NTM: variants seen among roughly 807,000 people sequenced by gnomAD.
NTM encodes the protein neurotrimin.
In NTM, 13 loss-of-function variants were observed where a neutral mutation model predicts 42.1. The ratio of observed to expected loss-of-function variants is 0.31; its 90% CI spans 0.20 to 0.49. The LOEUF (loss-of-function observed/expected upper bound fraction) is 0.49, where lower values mean the gene tolerates loss of function less well. Ranked by LOEUF, NTM falls within the 20% of genes least tolerant of loss-of-function variation. The pLI, the probability that NTM is intolerant of heterozygous loss-of-function variation, is 0.99. For synonymous variants in NTM, 187 were observed against 179.2 expected, an observed-to-expected ratio of 1.04 and a Z score of -0.35; for missense variants, 373 against 452.8, an observed-to-expected ratio of 0.82 and a Z score of 1.60.
At chr11:131,691,558 G>A (rs1469242591) in intron 1 of NTM, among the ~76,000 whole-genome samples, 1 of 143,096 alleles carries the variant, frequency 7.0e-6, no homozygotes, top group African/African-American at 2.9e-5. Context: ...TTCCCTGAAA[G>A]CCCCCCCCCG....
intron 2 of NTM, among the ~76,000 whole-genome samples, chr11:131,978,479 A>AG (rs1168431417): frequency 1.3e-5 from 2 of 152,264 alleles, no homozygotes; most frequent in East Asian, 3.9e-4. Flanking sequence ...AAGAAAAAAA[A>AG]CAGTAGACCT....
At position 131,500,577 on chromosome 11, in the gene NTM, ATTTTT is replaced by A. The variant is rs71475759; in HGVS notation, c.82+129703_82+129707del. Among the ~76,000 whole-genome samples the A allele has an allele frequency of 1.0e-2, 760 of 76,166 alleles. 13 individuals are homozygous for A. Among genetic ancestry groups the A allele is most frequent in the Middle Eastern group, 0.027 (4 of 150 alleles). The allele number at this position is 76,166 out of a possible 152,430, so 50.0% of individuals were successfully genotyped here. A position where few individuals can be genotyped will look rare whatever the true frequency, so the allele number is the denominator to read the frequency against. ...TATATATATATATATATATATATAT[ATTTTT>A]TTTTTTTTTTTTTGTATTATACTTT... On this transcript the variant is annotated intron_variant, in intron 1 of 8. Coordinates refer to ENST00000683400, the MANE Select transcript of NTM (RefSeq NM_001352005.2).
At chr11:131,922,963 TC>T (rs1208261556) in intron 2 of NTM, among the ~76,000 whole-genome samples, 1 of 152,164 alleles carries the variant, frequency 6.6e-6, no homozygotes, top group Non-Finnish European at 1.5e-5. Context: ...CTAAGACTGT[TC>T]TTGACTTAAG....
chr11:131,993,909 A>G (rs1003199191), intron 2 of NTM, among the ~76,000 whole-genome samples: 3 of 151,522 alleles, frequency 2.0e-5, no homozygotes, highest in African/African-American at 4.9e-5. Context: ...AGGCTGAGGC[A>G]GGAGAATTGC....
At chr11:131,935,330 A>G (rs2059093317) in intron 2 of NTM, among the ~76,000 whole-genome samples, 1 of 152,242 alleles carries the variant, frequency 6.6e-6, no homozygotes, top group Non-Finnish European at 1.5e-5. Flanking sequence ...TTGGGAAAGC[A>G]TCACTAGCCA....
At chr11:131,976,146 T>TCCTC (rs2064335779) in intron 2 of NTM, among the ~76,000 whole-genome samples, 7 of 147,892 alleles carry the variant, frequency 4.7e-5, no homozygotes, top group Admixed American at 4.7e-4. Context: ...CTTCCTTCCT[T>TCCTC]CCTTCCTTCC....
At chr11:131,854,371 A>T in intron 1 of NTM, among the ~76,000 whole-genome samples, 1 of 152,246 alleles carries the variant, frequency 6.6e-6, no homozygotes, top group East Asian at 1.9e-4. Context: ...TTTTGCTCAC[A>T]AGCACTGTAT....
At chr11:131,436,522 G>A (rs1431570163) in intron 1 of NTM, among the ~76,000 whole-genome samples, 1 of 152,172 alleles carries the variant, frequency 6.6e-6, no homozygotes, top group Non-Finnish European at 1.5e-5. Context: ...GAGGGTGTAT[G>A]TGTCCAGAAA....
At chr11:131,387,579 T>C (rs1396031366) in intron 1 of NTM, among the ~76,000 whole-genome samples, 1 of 152,204 alleles carries the variant, frequency 6.6e-6, no homozygotes, top group Admixed American at 6.5e-5. Flanking sequence ...AGGGTGCCTT[T>C]AGTTAACAAC....
intron 7 of NTM, among the ~76,000 whole-genome samples, chr11:132,316,310 G>T (rs991592939): frequency 6.6e-6 from 1 of 152,180 alleles, no homozygotes; most frequent in Non-Finnish European, 1.5e-5. Flanking sequence ...GGAAAGCAGT[G>T]AAGTGCAGGT....
chr11:131,862,642 TG>T (rs1419395895), intron 1 of NTM, among the ~76,000 whole-genome samples: 1 of 152,242 alleles, frequency 6.6e-6, no homozygotes, highest in African/African-American at 2.4e-5. Flanking sequence ...TTCAGATTTT[TG>T]CTCACATTGG....
At chr11:132,102,024 G>T (rs1353676011) in intron 2 of NTM, among the ~76,000 whole-genome samples, 1 of 152,098 alleles carries the variant, frequency 6.6e-6, no homozygotes, top group Non-Finnish European at 1.5e-5. Context: ...AATTGCAATG[G>T]ATCCGTTCAG....
chr11:131,985,672 C>T (rs899183133), intron 2 of NTM, among the ~76,000 whole-genome samples: 3 of 151,994 alleles, frequency 2.0e-5, no homozygotes, highest in African/African-American at 7.3e-5. Context: ...ACGAAGGGCC[C>T]GGGATTAGGC....
chr11:131,837,157 C>A lies in NTM; in HGVS notation c.83-74407C>A, dbSNP rs982210243. ...TGGTGGGGAGGGAATAGATATATTT[C>A]AAGCCATTTTGGTGTCAAGACCAAA... On this transcript the variant is annotated intron_variant, in intron 1 of 8. Coordinates refer to ENST00000683400, the MANE Select transcript of NTM (RefSeq NM_001352005.2). Among the ~76,000 whole-genome samples the A allele has an allele frequency of 2.6e-5, 4 of 152,176 alleles. No individual in the cohort carries two copies. In the South Asian group the frequency reaches 8.3e-4, roughly 32 times the overall value.
In NTM at chr11:131,881,509, C is replaced by CACACA. The variant is rs372489485; in HGVS notation, c.83-30055_83-30054insACACA. ...ACACACACACACACACACACACACA[C>CACACA]CCCCCAAAGCTTTGACGCAGAGGAG... On this transcript the variant is annotated intron_variant, in intron 1 of 8. Transcript: ENST00000683400. Among the ~76,000 whole-genome samples the CACACA allele has an allele frequency of 5.5e-5, 8 of 145,692 alleles. 1 individual carries two copies. The highest frequency in any genetic ancestry group is 3.5e-3 in the Middle Eastern group (1 of 286).
intron 2 of NTM, among the ~76,000 whole-genome samples, chr11:132,104,970 TATATA>T (rs2062148778): frequency 8.2e-6 from 1 of 121,660 alleles, no homozygotes; most frequent in African/African-American, 3.1e-5. Flanking sequence ...TATATATATA[TATATA>T]TATATATATA....
intron 7 of NTM, among the ~76,000 whole-genome samples, chr11:132,321,949 A>T (rs2095578720): frequency 6.9e-6 from 1 of 145,370 alleles, no homozygotes; most frequent in Non-Finnish European, 1.5e-5. Context: ...GTGAAGGAGA[A>T]ATAAAATACT....
intron 2 of NTM, among the ~76,000 whole-genome samples, chr11:132,144,404 T>A (rs1003051278): frequency 1.3e-5 from 2 of 152,200 alleles, no homozygotes; most frequent in African/African-American, 2.4e-5. Context: ...TTTGTTTATT[T>A]CCATAGAAAT....
At chr11:131,512,067 C>T (rs2048319909) in intron 1 of NTM, among the ~76,000 whole-genome samples, 1 of 152,080 alleles carries the variant, frequency 6.6e-6, no homozygotes, top group Non-Finnish European at 1.5e-5. Context: ...AGCACCTACT[C>T]AAGTACCGAG....
Sources: gnomAD v4.1 joint callset for allele counts (sites outside exome capture counted in the v4.1 genomes callset) on GRCh38, gnomAD v4.1.1 for gene constraint, MANE v1.5 for transcripts, NCBI Gene and HGNC (gene_info 2026-07-23, HGNC 2026-07-21) for gene names.